The following ABCC4 variants were observed in gnomAD, a reference collection of about 807,000 sequenced individuals.
The protein encoded by ABCC4 is ATP binding cassette subfamily C member 4 (PEL blood group), also known as ATP-binding cassette sub-family C member 4.
Under a neutral mutation model 168.5 loss-of-function variants are expected in ABCC4, and 102 were observed. The ratio of observed to expected loss-of-function variants is 0.61; its 90% CI spans 0.52 to 0.71. The LOEUF (loss-of-function observed/expected upper bound fraction) is 0.71, where lower values mean the gene tolerates loss of function less well. Ranked by LOEUF, ABCC4 falls within the 30% of genes least tolerant of loss-of-function variation. ABCC4 has a pLI of 0.00. For missense variants in ABCC4, 1,402 were observed against 1,605.8 expected (o/e 0.87, Z 2.17); for synonymous variants, 617 against 590.7 (o/e 1.04, Z -0.65).
At chr13:95,033,061 C>T (rs1445740790) in intron 30 of ABCC4, among the ~76,000 whole-genome samples, 1 of 151,128 alleles carries the variant, frequency 6.6e-6, no homozygotes, top group East Asian at 1.9e-4. Context: ...CCTCCACCTC[C>T]CAGGTTCAAG....
chr13:95,044,723 TGCCTGG>T (rs1401838499), intron 27 of ABCC4, among the ~76,000 whole-genome samples: 1 of 152,218 alleles, frequency 6.6e-6, no homozygotes, highest in Admixed American at 6.5e-5. Context: ...GTGTTAATAC[TGCCTGG>T]GCCAATTTCA....
At chr13:95,270,204 G>A (rs2040810443) in intron 1 of ABCC4, among the ~76,000 whole-genome samples, 1 of 152,086 alleles carries the variant, frequency 6.6e-6, no homozygotes, top group African/African-American at 2.4e-5. Flanking sequence ...TCTGTAGTTG[G>A]AAATTAAATT....
At chr13:95,101,123 C>G (rs901290260) in intron 20 of ABCC4, among the ~76,000 whole-genome samples, 2 of 152,180 alleles carry the variant, frequency 1.3e-5, no homozygotes, top group Non-Finnish European at 2.9e-5. Context: ...CCCTCCCACC[C>G]CCCTAGGGAA....
rs547764067 is a variant in ABCC4, at chr13:95,125,221, C to T, written c.2456-9220G>A. ...TGTGCTCATGTCAACACCTCCATGA[C>T]ATCAAGCTACTTTACTGGACACATT... On this transcript the variant is annotated intron_variant, in intron 19 of 30. Coordinates refer to ENST00000645237, the MANE Select transcript of ABCC4 (RefSeq NM_005845.5). Among the ~76,000 whole-genome samples, 13 of 152,278 alleles carry T rather than the reference C, an allele frequency of 8.5e-5. No homozygotes were observed. The East Asian group carries it at 1.5e-3, about 18-fold the overall frequency.
At position 95,155,571 on chromosome 13, in the gene ABCC4, A is replaced by T. The variant is rs912761524; in HGVS notation, c.2455+5618T>A. On this transcript the variant is annotated intron_variant, in intron 19 of 30. Transcript: ENST00000645237. ...ATTTACCTTAATCTATAAAGAAAAA[A>T]GAATGATATGAATCTGGTTTTTTTG... Among the ~76,000 whole-genome samples the T allele has an allele frequency of 5.9e-5, 9 of 152,220 alleles. No individual in the cohort carries two copies. In the East Asian group the frequency reaches 1.5e-3, roughly 26 times the overall value.
At chr13:95,111,359 T>C (rs533268809) in intron 20 of ABCC4, among the ~76,000 whole-genome samples, 17 of 152,238 alleles carry the variant, frequency 1.1e-4, no homozygotes, top group Non-Finnish European at 1.9e-4. Context: ...ATTATCTGAT[T>C]AGCCCATGGC....
At chr13:95,272,814 G>T (rs947786470) in intron 1 of ABCC4, among the ~76,000 whole-genome samples, 8 of 152,148 alleles carry the variant, frequency 5.3e-5, no homozygotes, top group African/African-American at 1.4e-4. Context: ...CTTGAACCCG[G>T]GAGGCAGAGG....
At chr13:95,156,240 T>A (rs1311682652) in intron 19 of ABCC4, among the ~76,000 whole-genome samples, 5 of 152,232 alleles carry the variant, frequency 3.3e-5, no homozygotes, top group African/African-American at 1.2e-4. Flanking sequence ...TCAAACATAA[T>A]ACGCCACAAT....
At chr13:95,025,281 A>C (rs1347511126) in intron 30 of ABCC4, among the ~76,000 whole-genome samples, 16 of 18,098 alleles carry the variant, frequency 8.8e-4, no homozygotes, top group East Asian at 1.6e-3. Flanking sequence ...CCCCACACAC[A>C]CCCCCACACA....
At chr13:95,273,744 C>T (rs535735283) in intron 1 of ABCC4, among the ~76,000 whole-genome samples, 1 of 147,240 alleles carries the variant, frequency 6.8e-6, no homozygotes, top group Non-Finnish European at 1.5e-5. Flanking sequence ...ATCATGGGGG[C>T]GGGTCTTTCC....
intron 25 of ABCC4, among the ~76,000 whole-genome samples, chr13:95,063,526 CAGTAGCCA>C (rs1221579895): frequency 6.6e-5 from 10 of 152,198 alleles, no homozygotes; most frequent in African/African-American, 2.4e-4. Context: ...CAGTAGTAAC[CAGTAGCCA>C]AAAAACACAT....
At chr13:95,023,465 G>A (rs1251007250) in intron 30 of ABCC4, among the ~76,000 whole-genome samples, 1 of 152,140 alleles carries the variant, frequency 6.6e-6, no homozygotes, top group Middle Eastern at 3.2e-3. Context: ...TTTTAGCAAA[G>A]CCCTCATGTT....
chr13:95,223,847 C>G (rs4303338), intron 4 of ABCC4, among the ~76,000 whole-genome samples: 116,327 of 151,976 alleles, frequency 0.77, 44,983 homozygotes, highest in Non-Finnish European at 0.84. Flanking sequence ...AGCTGCAATA[C>G]TGAAATGAGA....
At chr13:95,220,698 C>T (rs1016871653) in intron 4 of ABCC4, among the ~76,000 whole-genome samples, 3 of 152,202 alleles carry the variant, frequency 2.0e-5, no homozygotes, top group Non-Finnish European at 4.4e-5. Flanking sequence ...GGGACAGACA[C>T]TCTTTACCAA....
chr13:95,086,545 G>C (rs1331455713), intron 20 of ABCC4, among the ~76,000 whole-genome samples: 1 of 152,206 alleles, frequency 6.6e-6, no homozygotes, highest in Non-Finnish European at 1.5e-5. Flanking sequence ...TACAATGCCT[G>C]TTTGGCATTT....
intron 25 of ABCC4, among the ~76,000 whole-genome samples, 189 bp downstream of exon 25, chr13:95,071,473 G>A (rs535067569): frequency 3.3e-5 from 5 of 152,226 alleles, no homozygotes; most frequent in Middle Eastern, 3.4e-3. Flanking sequence ...CCTGAGGCCC[G>A]GGGCCCACCA....
intron 1 of ABCC4, among the ~76,000 whole-genome samples, chr13:95,295,976 A>C (rs2041520910): frequency 6.6e-6 from 1 of 151,584 alleles, no homozygotes; most frequent in Non-Finnish European, 1.5e-5. Context: ...AAAAAAAAAA[A>C]AAAACACTTT....
chr13:95,057,828 T>A (rs2033122764), intron 26 of ABCC4, among the ~76,000 whole-genome samples: 1 of 152,246 alleles, frequency 6.6e-6, no homozygotes, highest in Non-Finnish European at 1.5e-5. Flanking sequence ...GCTTTTGCTG[T>A]GTTTGCTCCC....
intron 1 of ABCC4, 30 bp downstream of exon 1, chr13:95,301,211 G>A: frequency 3.2e-6 from 5 of 1,570,542 alleles, no homozygotes; most frequent in Non-Finnish European, 4.3e-6. Flanking sequence ...AGCGGCTGCA[G>A]GGTGACCTGT....
Sources: gnomAD v4.1 joint callset for allele counts (sites outside exome capture counted in the v4.1 genomes callset) on GRCh38, gnomAD v4.1.1 for gene constraint, MANE v1.5 for transcripts, NCBI Gene and HGNC (gene_info 2026-07-23, HGNC 2026-07-21) for gene names.